The following TNNT3 variants were observed in gnomAD, a reference collection of about 807,000 sequenced individuals.
TNNT3 encodes the protein troponin T3, fast skeletal type.
A neutral mutation model predicts 54.2 loss-of-function variants in TNNT3; 36 were observed. The observed-to-expected ratio is 0.66, with a 90% CI of 0.51 to 0.88. The LOEUF is 0.88. TNNT3 is among the 40% of genes least tolerant of loss of function. The pLI, the probability that TNNT3 is intolerant of heterozygous loss-of-function variation, is 0.00. For missense variants in TNNT3, 291 were observed against 331.6 expected (o/e 0.88, Z 0.95); for synonymous variants, 120 against 109.7 (o/e 1.09, Z -0.59).
chr11:1,934,032 G>A (rs966598358), intron 11 of TNNT3, 24 bp downstream of exon 11: 1 of 1,606,320 alleles, frequency 6.2e-7, no homozygotes, highest in Non-Finnish European at 8.5e-7. Flanking sequence ...CCGCACTGCT[G>A]CCTCATCAGA....
intron 5 of TNNT3, chr11:1,926,488 G>C (rs1187934567): frequency 6.2e-7 from 1 of 1,613,224 alleles, no homozygotes; most frequent in East Asian, 2.2e-5. Flanking sequence ...CCAGGTACGT[G>C]CATGACTTCG....
chr11:1,938,053 T>G (rs909229521), intron 15 of TNNT3: 1 of 327,526 alleles, frequency 3.1e-6, no homozygotes, highest in Non-Finnish European at 6.0e-6. Flanking sequence ...TGGGGCAGGC[T>G]CCTGGGCCCC....
At chr11:1,929,270 G>T in intron 7 of TNNT3, 127 bp downstream of exon 7, 1 of 1,248,380 alleles carries the variant, frequency 8.0e-7, no homozygotes, top group Non-Finnish European at 1.2e-6. Flanking sequence ...TCTTCCCCTG[G>T]CACGGGGGCC....
At chr11:1,933,031 T>G (rs1029132871) in intron 9 of TNNT3, among the ~76,000 whole-genome samples, 3 of 148,916 alleles carry the variant, frequency 2.0e-5, no homozygotes, top group Non-Finnish European at 4.5e-5. Context: ...CATCCATCCA[T>G]CCATTCATAC....
intron 6 of TNNT3, among the ~76,000 whole-genome samples, chr11:1,927,479 G>A (rs776753871): frequency 1.3e-5 from 2 of 152,106 alleles, no homozygotes; most frequent in Non-Finnish European, 2.9e-5. Flanking sequence ...TGCCGGGCCT[G>A]AGCTCTTGCG....
At chr11:1,936,409 C>T (rs920012926) in intron 14 of TNNT3, among the ~76,000 whole-genome samples, 1 of 152,210 alleles carries the variant, frequency 6.6e-6, no homozygotes, top group African/African-American at 2.4e-5. Flanking sequence ...GTGCCTGCAG[C>T]CGGGGGCTTC....
intron 6 of TNNT3, among the ~76,000 whole-genome samples, chr11:1,928,596 G>A (rs1027801108): frequency 2.6e-5 from 4 of 152,176 alleles, no homozygotes; most frequent in Non-Finnish European, 4.4e-5. Context: ...TAGACATCAC[G>A]TTGCCGGCAG....
intron 14 of TNNT3, 97 bp from the exon 15 acceptor site, chr11:1,936,866 G>T (rs1035894452): frequency 5.9e-6 from 8 of 1,350,950 alleles, no homozygotes; most frequent in Non-Finnish European, 7.2e-6. Flanking sequence ...CCTGGGTCGC[G>T]CAGCCCAGCC....
At chr11:1,926,673 C>T (rs758949046) in intron 5 of TNNT3, 22 bp from the exon 6 acceptor site, 4 of 1,613,398 alleles carry the variant, frequency 2.5e-6, no homozygotes, top group African/African-American at 2.7e-5. Flanking sequence ...CCCTTTCTGC[C>T]ACCATGACGC....
intron 2 of TNNT3, 78 bp downstream of exon 2, chr11:1,922,969 G>A (rs1011775049): frequency 9.9e-6 from 16 of 1,613,086 alleles, no homozygotes; most frequent in Admixed American, 6.7e-5. Context: ...TGGAGCATGC[G>A]CTATCTTGCA....
chr11:1,925,241 C>T (rs767561897), intron 5 of TNNT3, 125 bp downstream of exon 5: 57 of 1,607,700 alleles, frequency 3.5e-5, no homozygotes, highest in Non-Finnish European at 4.6e-5. Flanking sequence ...TCCTCTCTCC[C>T]CCGGCTCTCC....
chr11:1,929,801 G>A lies in TNNT3; in HGVS notation c.107-9G>A. 1 of 1,551,702 alleles carries A rather than the reference G, an allele frequency of 6.4e-7. No individual in the cohort carries two copies. Among genetic ancestry groups the A allele is most frequent in the Non-Finnish European group, 8.7e-7 (1 of 1,147,176 alleles). On this transcript the variant is annotated splice_polypyrimidine_tract_variant and intron_variant, in intron 7 of 15. Transcript: ENST00000278317. The stretch of plus-strand genomic sequence containing the variant: ...GTCCCTCTCCCTACGCTGGTGCTGT[G>A]TGGACCAGAGGAGAAACCGAGACCC...
At chr11:1,929,221 C>G (rs1055943009) in intron 7 of TNNT3, 78 bp downstream of exon 7, 9 of 1,515,956 alleles carry the variant, frequency 5.9e-6, no homozygotes, top group African/African-American at 1.4e-5. Context: ...AGGCTGGGGT[C>G]TCTCGCTGCC....
At chr11:1,929,028 C>T (rs745591339) in intron 6 of TNNT3, 92 bp from the exon 7 acceptor site, 47 of 1,469,060 alleles carry the variant, frequency 3.2e-5, no homozygotes, top group Middle Eastern at 1.7e-4. Context: ...GGGTGGGCCC[C>T]TTGCCCGCCA....
At chr11:1,930,285 C>T (rs1852999500) in intron 8 of TNNT3, among the ~76,000 whole-genome samples, 1 of 152,084 alleles carries the variant, frequency 6.6e-6, no homozygotes, top group Non-Finnish European at 1.5e-5. Context: ...CGGGGGACCA[C>T]ACCAAGCCCC....
intron 5 of TNNT3, 77 bp from the exon 6 acceptor site, chr11:1,926,618 C>T (rs1851672225): frequency 1.2e-6 from 2 of 1,610,634 alleles, no homozygotes; most frequent in Non-Finnish European, 1.7e-6. Flanking sequence ...TGCCCGCCCT[C>T]CTCTCTGCGC....
At position 1,938,519 on chromosome 11, in the gene TNNT3, G is replaced by A; in HGVS notation, c.*27G>A. On this transcript the variant is annotated 3_prime_UTR_variant, in exon 16 of 16. Coordinates refer to ENST00000278317, the MANE Select transcript of TNNT3 (RefSeq NM_006757.4). Reference sequence around the variant, plus strand: ...GAGGCCAGAAAGGCCCCTCGAGGCAGAGACCCTCCGCCCTCTTGCACACCA... The same window carrying A: ...GAGGCCAGAAAGGCCCCTCGAGGCAAAGACCCTCCGCCCTCTTGCACACCA... 6.2e-7 allele frequency: 1 copy of A among 1,611,918 alleles called. No individual in the cohort carries two copies. Among genetic ancestry groups the A allele is most frequent in the Non-Finnish European group, 8.5e-7 (1 of 1,179,084 alleles).
intron 6 of TNNT3, among the ~76,000 whole-genome samples, chr11:1,928,303 G>A (rs1431674268): frequency 6.6e-6 from 1 of 152,140 alleles, no homozygotes; most frequent in Non-Finnish European, 1.5e-5. Flanking sequence ...GGCCAGGCCA[G>A]CCAGGTCCAC....
chr11:1,938,619 A>G lies in TNNT3; in HGVS notation c.*127A>G. On this transcript the variant is annotated 3_prime_UTR_variant, in exon 16 of 16. Coordinates refer to ENST00000278317, the MANE Select transcript of TNNT3 (RefSeq NM_006757.4). ...GGCTCCCTGACAGTCCTGGGGGTGG[A>G]GAGGCCATCCCGGGGCGTCCCCCGC... 1 of 1,005,028 alleles carries G rather than the reference A, an allele frequency of 9.9e-7. No individual in the cohort carries two copies. Among genetic ancestry groups the G allele is most frequent in the South Asian group, 1.4e-5 (1 of 73,776 alleles). The allele number at this position is 1,005,028 out of a possible 1,614,324, so 62.3% of individuals were successfully genotyped here.
Sources: gnomAD v4.1 joint callset for allele counts (sites outside exome capture counted in the v4.1 genomes callset) on GRCh38, gnomAD v4.1.1 for gene constraint, MANE v1.5 for transcripts, NCBI Gene and HGNC (gene_info 2026-07-23, HGNC 2026-07-21) for gene names.